Variants in MBNL1 observed in about 807,000 individuals in gnomAD.
MBNL1 encodes muscleblind like splicing regulator 1, also known as muscleblind-like protein 1.
A neutral mutation model predicts 42.2 loss-of-function variants in MBNL1; 8 were observed. That is an observed-to-expected ratio of 0.19 (90% CI 0.11 to 0.34). The LOEUF is 0.34. Ranked by LOEUF, MBNL1 falls within the 10% of genes least tolerant of loss-of-function variation. The pLI, the probability that MBNL1 is intolerant of heterozygous loss-of-function variation, is 1.00. For synonymous variants in MBNL1, 169 were observed against 173.9 expected (o/e 0.97, Z 0.22); for missense variants, 309 against 495.3 (o/e 0.62, Z 3.57).
At position 152,291,757 on chromosome 3, in the gene MBNL1, G is replaced by T. The variant is rs77206905; in HGVS notation, c.-789-7648G>T. ...TACTCTGCTTTCTTCACAGTACTAT[G>T]TAGTATTAGATGGGGTTTTTTTGTT... On this transcript the variant is annotated intron_variant, in intron 1 of 9. Transcript: ENST00000324210. Among the ~76,000 whole-genome samples, 838 of 152,216 alleles carry T rather than the reference G, an allele frequency of 5.5e-3. 3 individuals are homozygous for T. Among genetic ancestry groups the T allele is most frequent in the Non-Finnish European group, 9.3e-3 (631 of 68,012 alleles).
intron 2 of MBNL1, among the ~76,000 whole-genome samples, chr3:152,352,805 T>C (rs530306703): frequency 5.3e-5 from 8 of 152,302 alleles, no homozygotes; most frequent in Non-Finnish European, 8.8e-5. Context: ...GCCCTGCATG[T>C]ACTGTGGCTA....
intron 2 of MBNL1, among the ~76,000 whole-genome samples, chr3:152,349,532 TA>T (rs1014486133): frequency 6.6e-6 from 1 of 152,096 alleles, no homozygotes; most frequent in African/African-American, 2.4e-5. Flanking sequence ...AGTTGCACTA[TA>T]AAAAATTTTT....
intron 4 of MBNL1, among the ~76,000 whole-genome samples, chr3:152,436,503 C>T (rs1015673197): frequency 6.6e-6 from 1 of 152,206 alleles, no homozygotes; most frequent in Non-Finnish European, 1.5e-5. Context: ...ATTGGATCCT[C>T]AGCATGTGAA....
chr3:152,398,717 C>G (rs1277782216), intron 2 of MBNL1, among the ~76,000 whole-genome samples: 1 of 152,152 alleles, frequency 6.6e-6, no homozygotes, highest in African/African-American at 2.4e-5. Context: ...TACAGCTTTG[C>G]TTATGTCCTT....
intron 1 of MBNL1, among the ~76,000 whole-genome samples, chr3:152,289,385 A>G (rs1401807894): frequency 2.0e-5 from 3 of 152,092 alleles, no homozygotes; most frequent in Admixed American, 2.0e-4. Flanking sequence ...CTCTGGACCT[A>G]GTTAGATATG....
intron 2 of MBNL1, among the ~76,000 whole-genome samples, chr3:152,389,453 T>G (rs1312851693): frequency 6.6e-6 from 1 of 152,094 alleles, no homozygotes; most frequent in Non-Finnish European, 1.5e-5. Flanking sequence ...GTTAGGTGAT[T>G]TTGTCATTAT....
At chr3:152,311,725 A>G (rs1225664754) in intron 2 of MBNL1, among the ~76,000 whole-genome samples, 2 of 151,810 alleles carry the variant, frequency 1.3e-5, no homozygotes, top group Non-Finnish European at 2.9e-5. Flanking sequence ...CTTTTGTTAT[A>G]TGTAATTGGA....
chr3:152,261,937 C>A (rs1231704279), intron 2 of MBNL1, among the ~76,000 whole-genome samples: 6 of 152,094 alleles, frequency 3.9e-5, no homozygotes, highest in African/African-American at 1.4e-4. Flanking sequence ...CCAGTCCTAT[C>A]CTCCTTGCCA....
chr3:152,384,956 A>G (rs1043020164), intron 2 of MBNL1, among the ~76,000 whole-genome samples: 1 of 151,972 alleles, frequency 6.6e-6, no homozygotes, highest in Non-Finnish European at 1.5e-5. Context: ...GATAATTATT[A>G]TTTATTCTTT....
intron 3 of MBNL1, among the ~76,000 whole-genome samples, chr3:152,419,063 T>C (rs546497875): frequency 1.1e-4 from 17 of 152,112 alleles, no homozygotes; most frequent in Non-Finnish European, 2.2e-4. Flanking sequence ...GATGAGAAAA[T>C]AAGTAGTAGA....
intron 2 of MBNL1, among the ~76,000 whole-genome samples, chr3:152,384,576 T>G (rs540458024): frequency 6.6e-6 from 1 of 152,080 alleles, no homozygotes; most frequent in Non-Finnish European, 1.5e-5. Flanking sequence ...ACAAATAGAT[T>G]GCAGTGAGCA....
At chr3:152,301,479 G>A (rs1216396298) in intron 2 of MBNL1, among the ~76,000 whole-genome samples, 2 of 152,094 alleles carry the variant, frequency 1.3e-5, no homozygotes, top group African/African-American at 4.8e-5. Context: ...AATAACATCA[G>A]GGTGAGTTAT....
upstream of MBNL1, chr3:152,264,251 A>G (rs916658686): frequency 5.3e-5 from 8 of 152,204 alleles, no homozygotes; most frequent in African/African-American, 1.4e-4. Flanking sequence ...AGTACCTAGA[A>G]TAGGAGTTAG....
chr3:152,291,315 G>A (rs2055823494), intron 1 of MBNL1, among the ~76,000 whole-genome samples: 3 of 152,128 alleles, frequency 2.0e-5, no homozygotes, highest in Non-Finnish European at 1.5e-5. Flanking sequence ...TTTTAAATTT[G>A]CAAAGCCACA....
At chr3:152,325,083 A>ACCCC (rs532514721) in intron 2 of MBNL1, among the ~76,000 whole-genome samples, 5 of 26,024 alleles carry the variant, frequency 1.9e-4, no homozygotes, top group African/African-American at 7.3e-4. Flanking sequence ...AATGCCACAT[A>ACCCC]CCCGCCCCCC....
intron 2 of MBNL1, among the ~76,000 whole-genome samples, chr3:152,307,322 T>C (rs2063712521): frequency 6.6e-6 from 1 of 152,196 alleles, no homozygotes; most frequent in Non-Finnish European, 1.5e-5. Flanking sequence ...GTCACATTTT[T>C]ATAACTGGAA....
At chr3:152,336,493 G>T (rs1461500121) in intron 2 of MBNL1, among the ~76,000 whole-genome samples, 3 of 152,084 alleles carry the variant, frequency 2.0e-5, no homozygotes, top group African/African-American at 7.2e-5. Flanking sequence ...ATTAAGTTTA[G>T]TTTAAGTCAA....
At chr3:152,332,739 T>TGTGTGTGTGTGC (rs1256022678) in intron 2 of MBNL1, among the ~76,000 whole-genome samples, 6 of 115,702 alleles carry the variant, frequency 5.2e-5, no homozygotes, top group South Asian at 2.6e-4. Flanking sequence ...TGTGTGTGTG[T>TGTGTGTGTGTGC]GCGCGCGCGC....
intron 2 of MBNL1, among the ~76,000 whole-genome samples, chr3:152,392,150 A>T (rs1396535087): frequency 6.6e-6 from 1 of 152,150 alleles, no homozygotes; most frequent in Non-Finnish European, 1.5e-5. Flanking sequence ...TGGCATAAAG[A>T]CTTTTCTCTT....
Sources: allele counts gnomAD v4.1 joint callset (sites outside exome capture counted in the v4.1 genomes callset), GRCh38; gene constraint gnomAD v4.1.1; transcripts MANE v1.5; gene names NCBI Gene and HGNC (gene_info 2026-07-23, HGNC 2026-07-21).